The following FBXL17 variants were observed in gnomAD, a reference collection of about 807,000 sequenced individuals.
FBXL17 encodes the protein F-box/LRR-repeat protein 17.
A neutral mutation model predicts 66.2 loss-of-function variants in FBXL17; 22 were observed. That is an observed-to-expected ratio of 0.33 (90% CI 0.24 to 0.47). The LOEUF is 0.47. Ranked by LOEUF, FBXL17 falls within the 20% of genes least tolerant of loss-of-function variation. FBXL17 has a pLI of 1.00. For synonymous variants in FBXL17, 474 were observed against 400.5 expected (o/e 1.18, Z -2.19); for missense variants, 878 against 948.2 (o/e 0.93, Z 0.97).
chr5:108,322,331 C>G (rs1382051272), intron 4 of FBXL17, among the ~76,000 whole-genome samples: 1 of 151,790 alleles, frequency 6.6e-6, no homozygotes. Context: ...AGCTACCTCC[C>G]AATTCTAGAC....
chr5:107,965,306 A>C (rs2112636524), intron 7 of FBXL17, among the ~76,000 whole-genome samples: 1 of 152,298 alleles, frequency 6.6e-6, no homozygotes, highest in South Asian at 2.1e-4. Context: ...GAGGTTTAAC[A>C]ACGCTTGTAT....
intron 4 of FBXL17, among the ~76,000 whole-genome samples, chr5:108,242,200 T>C (rs1393372116): frequency 2.0e-5 from 3 of 152,130 alleles, no homozygotes; most frequent in African/African-American, 7.2e-5. Flanking sequence ...TGATCAAAAA[T>C]AATAACTACA....
At chr5:108,035,527 C>T (rs1463834449) in intron 6 of FBXL17, among the ~76,000 whole-genome samples, 8 of 152,052 alleles carry the variant, frequency 5.3e-5, no homozygotes, top group East Asian at 1.9e-4. Flanking sequence ...TCACCATGCC[C>T]GGCTAATTTT....
intron 7 of FBXL17, among the ~76,000 whole-genome samples, chr5:107,952,178 TAAAATA>T (rs1360317243): frequency 1.3e-5 from 2 of 152,160 alleles, no homozygotes; most frequent in African/African-American, 4.8e-5. Flanking sequence ...TGCAGAAACA[TAAAATA>T]AATAACTGAT....
chr5:108,236,512 A>T (rs1009592458), intron 4 of FBXL17, among the ~76,000 whole-genome samples: 6 of 144,508 alleles, frequency 4.2e-5, no homozygotes, highest in South Asian at 4.4e-4. Flanking sequence ...GACTCTGTCT[A>T]AAAAAAAAAA....
intron 4 of FBXL17, among the ~76,000 whole-genome samples, chr5:108,237,240 C>A (rs1400678774): frequency 6.6e-6 from 1 of 152,172 alleles, no homozygotes; most frequent in Admixed American, 6.5e-5. Flanking sequence ...CAAGCACCTA[C>A]TACATGCACA....
chr5:108,360,424 T>C (rs887068773), intron 3 of FBXL17, among the ~76,000 whole-genome samples: 4 of 152,170 alleles, frequency 2.6e-5, no homozygotes, highest in African/African-American at 9.6e-5. Flanking sequence ...CACAGCTTTC[T>C]GGCTTCCATA....
At chr5:108,184,350 A>G (rs764957134) in intron 6 of FBXL17, among the ~76,000 whole-genome samples, 34 of 152,012 alleles carry the variant, frequency 2.2e-4, no homozygotes, top group Non-Finnish European at 4.1e-4. Context: ...TCTATCACCC[A>G]GGCTGGAGTG....
intron 6 of FBXL17, among the ~76,000 whole-genome samples, chr5:108,179,421 AC>A (rs1256726760): frequency 2.6e-5 from 4 of 152,210 alleles, no homozygotes; most frequent in South Asian, 4.1e-4. Context: ...ACCTAAAAAA[AC>A]AAAAGAGGGC....
intron 6 of FBXL17, among the ~76,000 whole-genome samples, chr5:108,108,409 T>A (rs1048035830): frequency 6.6e-6 from 1 of 152,204 alleles, no homozygotes; most frequent in African/African-American, 2.4e-5. Flanking sequence ...ATGAAAGTGT[T>A]TAGAAAACTA....
At chr5:107,974,483 CAAA>C (rs899610087) in intron 7 of FBXL17, among the ~76,000 whole-genome samples, 1 of 152,058 alleles carries the variant, frequency 6.6e-6, no homozygotes, top group Non-Finnish European at 1.5e-5. Flanking sequence ...AATTTCCACT[CAAA>C]AATGTGATCC....
At chr5:107,868,872 G>C (rs1457636723) in intron 8 of FBXL17, among the ~76,000 whole-genome samples, 2 of 151,494 alleles carry the variant, frequency 1.3e-5, no homozygotes, top group Admixed American at 6.6e-5. Context: ...AGAGAAGAAA[G>C]GAAACCAGCT....
Position 108,268,678 on chromosome 5 carries a change from T to C in FBXL17, c.1507-44450A>G, listed in dbSNP as rs181942238. ...CGCATTTTCTTTAAAGATATTTACA[T>C]ACTACTCAAAAGAGGTTGATATCAG... is the stretch of plus-strand genomic sequence containing the variant. On this transcript the variant is annotated intron_variant, in intron 4 of 8. Coordinates refer to ENST00000542267, the MANE Select transcript of FBXL17 (RefSeq NM_001163315.3). 5.3e-5 allele frequency among the ~76,000 whole-genome samples: 8 copies of C among 152,268 alleles called. No individual in the cohort carries two copies. The East Asian group carries it at 1.5e-3, about 29-fold the overall frequency.
At chr5:108,288,375 A>T (rs901004226) in intron 4 of FBXL17, among the ~76,000 whole-genome samples, 3 of 152,076 alleles carry the variant, frequency 2.0e-5, no homozygotes, top group Non-Finnish European at 4.4e-5. Flanking sequence ...CTATTGAAAA[A>T]AATGGGACCA....
chr5:108,346,676 T>C (rs1482229088), intron 4 of FBXL17, among the ~76,000 whole-genome samples: 3 of 152,166 alleles, frequency 2.0e-5, no homozygotes, highest in African/African-American at 7.2e-5. Context: ...TACTATGTTT[T>C]ACATATCTCC....
intron 4 of FBXL17, among the ~76,000 whole-genome samples, chr5:108,270,231 TA>T (rs921631965): frequency 3.3e-5 from 5 of 151,912 alleles, no homozygotes; most frequent in African/African-American, 9.7e-5. Flanking sequence ...AAAGGAGTCT[TA>T]AATACTGAGA....
intron 6 of FBXL17, among the ~76,000 whole-genome samples, chr5:108,184,029 T>G (rs1194150869): frequency 2.0e-5 from 3 of 152,062 alleles, no homozygotes; most frequent in Non-Finnish European, 1.5e-5. Context: ...TAAAGAGTAA[T>G]TCAGGGTAAT....
chr5:108,179,124 T>C (rs1752904219), intron 6 of FBXL17, among the ~76,000 whole-genome samples: 1 of 152,202 alleles, frequency 6.6e-6, no homozygotes, highest in Non-Finnish European at 1.5e-5. Context: ...TAGCATATGT[T>C]CACAAAACAA....
intron 4 of FBXL17, among the ~76,000 whole-genome samples, chr5:108,269,916 C>G (rs1039779572): frequency 7.2e-5 from 11 of 152,076 alleles, no homozygotes; most frequent in Non-Finnish European, 1.2e-4. Flanking sequence ...ACATTTCCCT[C>G]TACTACTGTT....
Sources: allele counts gnomAD v4.1 joint callset (sites outside exome capture counted in the v4.1 genomes callset), GRCh38; gene constraint gnomAD v4.1.1; transcripts MANE v1.5; gene names NCBI Gene and HGNC (gene_info 2026-07-23, HGNC 2026-07-21).